Variants in APOL3 observed in about 807,000 individuals in gnomAD.
APOL3 encodes TNF-inducible protein CG12-1.
Under a neutral mutation model 11.6 loss-of-function variants are expected in APOL3, and 14 were observed. The ratio of observed to expected loss-of-function variants is 1.21; its 90% CI spans 0.80 to 1.89. APOL3 has a LOEUF of 1.89. Ranked by LOEUF, APOL3 falls within the 40% of genes most tolerant of loss-of-function variation. APOL3 has a pLI of 0.00. For missense variants in APOL3, 483 were observed against 492.1 expected, an observed-to-expected ratio of 0.98 and a Z score of 0.17; for synonymous variants, 192 against 190.6, an observed-to-expected ratio of 1.01 and a Z score of -0.06.
intron 1 of APOL3, chr22:36,154,616 C>T: frequency 2.1e-6 from 1 of 471,084 alleles, no homozygotes; most frequent in Admixed American, 2.3e-5. Flanking sequence ...CCCAGAAGGG[C>T]TGTGTTATTC....
Position 36,148,780 on chromosome 22 carries a change from G to A in APOL3, c.224-3181C>T, listed in dbSNP as rs553437886. Among the ~76,000 whole-genome samples, 6 of 152,302 alleles carry A rather than the reference G, an allele frequency of 3.9e-5. No homozygotes were observed. The South Asian group carries it at 1.2e-3, about 32-fold the overall frequency. On this transcript the variant is annotated intron_variant, in intron 1 of 2. Transcript: ENST00000349314. Reference sequence around the variant, plus strand: ...GTTTCCACTTCCCCAAGGCTGTGGTGCCCCACTTGAGTCGTTTGCTAGGTG... The same window carrying A: ...GTTTCCACTTCCCCAAGGCTGTGGTACCCCACTTGAGTCGTTTGCTAGGTG...
At chr22:36,151,591 A>C (rs1200373490) in intron 1 of APOL3, among the ~76,000 whole-genome samples, 1 of 152,226 alleles carries the variant, frequency 6.6e-6, no homozygotes, top group Non-Finnish European at 1.5e-5. Flanking sequence ...TGACAGAAAA[A>C]GAAAAAAACA....
At position 36,140,792 on chromosome 22, in the gene APOL3, G is replaced by A. The variant is rs537171350; in HGVS notation, c.*408C>T. On this transcript the variant is annotated 3_prime_UTR_variant, in exon 3 of 3. Coordinates refer to ENST00000349314, the Ensembl canonical transcript of APOL3. ...ATCGAACCGGGGGCAGGTCGGTAGT[G>A]GAGCCGCTGTTTCTTCTGCTGTATC... 22 of 167,748 alleles carry A rather than the reference G, an allele frequency of 1.3e-4. No individual in the cohort carries two copies. In the South Asian group the frequency reaches 1.9e-3, roughly 15 times the overall value. The allele number at this position is 167,748 out of a possible 1,614,324, so 10.4% of individuals were successfully genotyped here. A position where few individuals can be genotyped will look rare whatever the true frequency, so the allele number is the denominator to read the frequency against.
intron 1 of APOL3, chr22:36,156,994 T>C (rs1233533504): frequency 4.4e-6 from 2 of 456,282 alleles, no homozygotes; most frequent in Admixed American, 4.7e-5. Context: ...CCTTGCTATC[T>C]AGATGCTCAT....
rs745876068 is a variant in APOL3 at position 36,153,117 on chromosome 22, AT to A, written c.224-7519del. On this transcript the variant is annotated intron_variant, in intron 1 of 2. Coordinates refer to ENST00000349314, the Ensembl canonical transcript of APOL3. ...CAAGAGTGAAATTCTGTCTCAGAAA[AT>A]AAAAAAAGGAAAATCTGAACATCAA... 6.1e-3 allele frequency among the ~76,000 whole-genome samples: 931 copies of A among 151,548 alleles called. 4 individuals are homozygous for A. Among genetic ancestry groups the A allele is most frequent in the Middle Eastern group, 0.014 (4 of 290 alleles).
chr22:36,142,245 A>G (rs1274738539), intron 2 of APOL3, among the ~76,000 whole-genome samples, 187 bp from the exon 4 acceptor site: 1 of 152,222 alleles, frequency 6.6e-6, no homozygotes, highest in African/African-American at 2.4e-5. Context: ...TATATCATAG[A>G]TATGCCACAG....
At chr22:36,142,619 G>A (rs779162993) in intron 2 of APOL3, among the ~76,000 whole-genome samples, 34 of 152,250 alleles carry the variant, frequency 2.2e-4, no homozygotes, top group Non-Finnish European at 3.7e-4. Context: ...GGGTTTTGGG[G>A]CTATTACGTA....
At position 36,147,387 on chromosome 22, in the gene APOL3, C is replaced by T. The variant is rs1384095702; in HGVS notation, c.224-1788G>A. On this transcript the variant is annotated intron_variant, in intron 1 of 2. Coordinates refer to ENST00000349314, the Ensembl canonical transcript of APOL3. ...CAGGGGACATGGCTCCCCACTATCA[C>T]CTCTGAACCCAGCTGGCCGCGTTAT... Among the ~76,000 whole-genome samples, 3 of 152,294 alleles carry T rather than the reference C, an allele frequency of 2.0e-5. No individual in the cohort carries two copies. In the East Asian group the frequency reaches 5.8e-4, roughly 29 times the overall value.
chr22:36,157,069 A>G (rs2012999515), intron 1 of APOL3: 1 of 454,440 alleles, frequency 2.2e-6, no homozygotes, highest in South Asian at 1.6e-5. Context: ...TGGCTCTATC[A>G]GGTTTCTGAG....
chr22:36,144,150 C>T (rs1603474568), intron 2 of APOL3, among the ~76,000 whole-genome samples: 1 of 152,114 alleles, frequency 6.6e-6, no homozygotes, highest in East Asian at 1.9e-4. Flanking sequence ...GGGATCAAAT[C>T]AGGGAGGGAA....
exon 1 of APOL3, chr22:36,160,818 A>G: frequency 6.2e-7 from 1 of 1,614,180 alleles, no homozygotes; most frequent in Non-Finnish European, 8.5e-7. Flanking sequence ...AGTGAAAGTC[A>G]CAACTTGGCA....
chr22:36,142,544 G>C (rs1234252016), intron 2 of APOL3, among the ~76,000 whole-genome samples: 1 of 152,182 alleles, frequency 6.6e-6, no homozygotes, highest in Non-Finnish European at 1.5e-5. Flanking sequence ...TGTCCTGCCT[G>C]GTAGGAACAT....
chr22:36,149,058 T>G, intron 1 of APOL3: 1 of 1,368,412 alleles, frequency 7.3e-7, no homozygotes. Flanking sequence ...GAGTCCATGG[T>G]GCCAGCAGCC....
chr22:36,160,744 C>T lies in APOL3; in HGVS notation c.148G>A (p.Ala50Thr), dbSNP rs1205533078. ...TGTGTGGATCCCACCTCCAGCCGTG[C>T]ATCTGCATAATAACCAGACACGTTC... The change falls in exon 1 of 3, where the codon GCA becomes ACA. Residue 50 changes from alanine to threonine, a missense_variant. Physicochemically the swap from Ala to Thr is moderately conservative, Grantham distance 58 (BLOSUM62 0). An upstream start codon of the reference 5' UTR is lost. Transcript: ENST00000349314. 4 of 1,614,038 alleles carry T rather than the reference C, an allele frequency of 2.5e-6. No individual in the cohort carries two copies. The highest frequency in any genetic ancestry group is 3.4e-6 in the Non-Finnish European group (4 of 1,179,992).
intron 1 of APOL3, chr22:36,149,677 T>A (rs1044627207): frequency 5.5e-6 from 2 of 363,074 alleles, no homozygotes; most frequent in African/African-American, 4.3e-5. Context: ...GTTTTCACAA[T>A]AGGGGTAGAG....
At chr22:36,157,866 A>G (rs2013147745) in intron 1 of APOL3, among the ~76,000 whole-genome samples, 1 of 152,130 alleles carries the variant, frequency 6.6e-6, no homozygotes, top group Non-Finnish European at 1.5e-5. Flanking sequence ...CCTGACCAAT[A>G]TGGTGAAACT....
At chr22:36,145,015 AAAAAAAAAAAG>A (rs1238330967) in intron 2 of APOL3, among the ~76,000 whole-genome samples, 2 of 130,804 alleles carry the variant, frequency 1.5e-5, no homozygotes, top group South Asian at 2.6e-4. Flanking sequence ...GTCTCAAAAA[AAAAAAAAAAAG>A]AAAAAAAAAG....
upstream of APOL3, among the ~76,000 whole-genome samples, chr22:36,164,258 A>G (rs190131631): frequency 6.6e-6 from 1 of 152,278 alleles, no homozygotes; most frequent in East Asian, 1.9e-4. Context: ...AGCCATTTCC[A>G]TTCCTGCTTC....
At chr22:36,157,864 A>G (rs2013146860) in intron 1 of APOL3, among the ~76,000 whole-genome samples, 1 of 152,152 alleles carries the variant, frequency 6.6e-6, no homozygotes, top group Admixed American at 6.5e-5. Flanking sequence ...AGCCTGACCA[A>G]TATGGTGAAA....
Sources: gnomAD v4.1 joint callset for allele counts (sites outside exome capture counted in the v4.1 genomes callset) on GRCh38, gnomAD v4.1.1 for gene constraint, MANE v1.5 for transcripts, NCBI Gene and HGNC (gene_info 2026-07-23, HGNC 2026-07-21) for gene names.